RERE: variants seen among roughly 807,000 people sequenced by gnomAD.
RERE encodes arginine-glutamic acid dipeptide repeats protein.
A neutral mutation model predicts 146.1 loss-of-function variants in RERE; 40 were observed. The observed-to-expected ratio is 0.27, with a 90% CI of 0.21 to 0.36. The LOEUF (loss-of-function observed/expected upper bound fraction) is 0.36, where lower values mean the gene tolerates loss of function less well. Ranked by LOEUF, RERE falls within the 10% of genes least tolerant of loss-of-function variation. RERE has a pLI of 1.00. For synonymous variants in RERE, 1,003 were observed against 866.0 expected, an observed-to-expected ratio of 1.16 and a Z score of -2.78; for missense variants, 1,933 against 2,138.7, an observed-to-expected ratio of 0.90 and a Z score of 1.90.
intron 12 of RERE, among the ~76,000 whole-genome samples, chr1:8,417,792 A>G (rs1643818191): frequency 6.6e-6 from 1 of 152,188 alleles, no homozygotes; most frequent in African/African-American, 2.4e-5. Context: ...ATTTGGGCCC[A>G]AGTTCTACTG....
rs997019973 is a variant in RERE at position 8,364,995 on chromosome 1, T to C, written c.1448-157A>G. Among the ~76,000 whole-genome samples, 9 of 152,056 alleles carry C rather than the reference T, an allele frequency of 5.9e-5. No homozygotes were observed. Among genetic ancestry groups the C allele is most frequent in the African/African-American group, 1.9e-4 (8 of 41,366 alleles). On this transcript the variant is annotated intron_variant, in intron 13 of 22. Transcript: ENST00000400908. This position sits in a 1 kb window ranked among gnomAD's most constrained non-coding sequence, Gnocchi z 5.1. The stretch of plus-strand genomic sequence containing the variant: ...GAGCGGCTGGGTGCACAGGCTGAGG[T>C]AGGACAGTGTCTGCAAAGGACCACT...
intron 8 of RERE, among the ~76,000 whole-genome samples, chr1:8,507,230 C>T (rs1022298944): frequency 1.3e-5 from 2 of 152,178 alleles, no homozygotes; most frequent in Non-Finnish European, 1.5e-5. Flanking sequence ...GAGCCGTGAT[C>T]GTGCCTCTGT....
chr1:8,624,045 T>A (rs888989978), intron 3 of RERE, among the ~76,000 whole-genome samples: 4 of 152,256 alleles, frequency 2.6e-5, no homozygotes, highest in African/African-American at 9.6e-5. Context: ...TTCAAGGGAC[T>A]ATCTGAAATT....
At position 8,360,756 on chromosome 1, in the gene RERE, G is replaced by A; in HGVS notation, c.2751C>T (p.Pro917=). The A allele has an allele frequency of 6.2e-7, 1 of 1,601,310 alleles. No homozygotes were observed. The highest frequency in any genetic ancestry group is 8.5e-7 in the Non-Finnish European group (1 of 1,177,310). The change falls in exon 18 of 23, where the codon CCC becomes CCT. Residue 917 remains proline, a synonymous_variant. Transcript: ENST00000400908. ...GCATGGCCAAGGGCGCTGGTGGCAGGGGCTGCTCCCGTGGAGGCTGTTGGG... is the reference window on the plus strand; with the variant it reads ...GCATGGCCAAGGGCGCTGGTGGCAGAGGCTGCTCCCGTGGAGGCTGTTGGG... ...LQSQQPPREQ[P]LPPAPLAMPH...
At chr1:8,577,864 T>C (rs1207950166) in intron 4 of RERE, among the ~76,000 whole-genome samples, 2 of 152,114 alleles carry the variant, frequency 1.3e-5, no homozygotes, top group African/African-American at 4.8e-5. Context: ...GAGGCCGAGA[T>C]GGGCGATCAC....
chr1:8,408,804 C>T (rs1643530243), intron 12 of RERE, among the ~76,000 whole-genome samples: 1 of 152,166 alleles, frequency 6.6e-6, no homozygotes, highest in Non-Finnish European at 1.5e-5. Context: ...TAAAAAATGA[C>T]TCCTGCCGTG....
chr1:8,734,153 T>C (rs1640149099), intron 1 of RERE, among the ~76,000 whole-genome samples: 1 of 152,218 alleles, frequency 6.6e-6, no homozygotes, highest in Non-Finnish European at 1.5e-5. Flanking sequence ...ATAACTGTTA[T>C]TGTTGACCCT....
At chr1:8,709,994 G>A (rs999536067) in intron 1 of RERE, among the ~76,000 whole-genome samples, 4 of 152,090 alleles carry the variant, frequency 2.6e-5, no homozygotes, top group East Asian at 1.9e-4. Flanking sequence ...CCTTTCTGGC[G>A]ATTCTCTCTT....
intron 16 of RERE, among the ~76,000 whole-genome samples, 183 bp from the exon 17 acceptor site, chr1:8,362,059 G>C (rs962803538): frequency 6.6e-6 from 1 of 152,244 alleles, no homozygotes; most frequent in African/African-American, 2.4e-5. Context: ...GTGGGAATGA[G>C]AGCCAGCCCT....
chr1:8,739,601 G>T (rs187211834), intron 1 of RERE, among the ~76,000 whole-genome samples: 2 of 152,058 alleles, frequency 1.3e-5, no homozygotes, highest in East Asian at 3.9e-4. Flanking sequence ...AAAGCAAAAG[G>T]CCCAGATTCA....
chr1:8,394,790 T>C (rs1642997276), intron 12 of RERE, among the ~76,000 whole-genome samples: 1 of 152,132 alleles, frequency 6.6e-6, no homozygotes, highest in Non-Finnish European at 1.5e-5. Flanking sequence ...TAAAATCCAC[T>C]ACTAGTATAT....
chr1:8,501,011 C>A (rs1330667764), intron 8 of RERE, among the ~76,000 whole-genome samples: 1 of 134,316 alleles, frequency 7.4e-6, no homozygotes, highest in Admixed American at 8.0e-5. Context: ...CGTCTCCGCC[C>A]GGCAGCCACC....
At chr1:8,636,314 AT>A (rs34588416) in intron 2 of RERE, among the ~76,000 whole-genome samples, 95,723 of 151,836 alleles carry the variant, frequency 0.63, 30,630 homozygotes, top group East Asian at 0.83. Flanking sequence ...ATGGTTACTT[AT>A]TTTTTTTGTC....
At chr1:8,546,754 A>G (rs1645867269) in intron 6 of RERE, among the ~76,000 whole-genome samples, 1 of 152,076 alleles carries the variant, frequency 6.6e-6, no homozygotes, top group African/African-American at 2.4e-5. Flanking sequence ...AGGCTGAGGC[A>G]GGAGAATCGT....
rs200027829 is a variant in RERE at position 8,364,259 on chromosome 1, T to C, written c.1541-4A>G. On this transcript the variant is annotated splice_region_variant and splice_polypyrimidine_tract_variant and intron_variant, in intron 14 of 22. Transcript: ENST00000400908. The surrounding 1 kb of genome is among the most constrained non-coding windows in gnomAD (Gnocchi z 5.1). ...CCGTGGTGCCAATCTTTGGAGGCTG[T>C]GTGAGGGAAGTGGTGGGGGCCAACC... The C allele has an allele frequency of 4.1e-5, 66 of 1,613,878 alleles. No individual in the cohort carries two copies. In the Admixed American group the frequency reaches 9.2e-4, roughly 22 times the overall value.
At chr1:8,502,600 A>C (rs1255457091) in intron 8 of RERE, among the ~76,000 whole-genome samples, 2 of 148,560 alleles carry the variant, frequency 1.3e-5, no homozygotes, top group East Asian at 2.0e-4. Flanking sequence ...CCAGCGGCTC[A>C]TTGGGGATGG....
intron 1 of RERE, among the ~76,000 whole-genome samples, chr1:8,756,548 G>A (rs1026571844): frequency 6.6e-6 from 1 of 151,902 alleles, no homozygotes; most frequent in African/African-American, 2.4e-5. Flanking sequence ...ATGCATCTTG[G>A]CTCAAGAGCC....
At chr1:8,731,350 A>C (rs548213848) in intron 1 of RERE, among the ~76,000 whole-genome samples, 1 of 152,326 alleles carries the variant, frequency 6.6e-6, no homozygotes, top group East Asian at 1.9e-4. Context: ...AGCATTCTCC[A>C]TAACAAAGGC....
intron 1 of RERE, among the ~76,000 whole-genome samples, chr1:8,762,469 T>C (rs1261485012): frequency 2.0e-5 from 3 of 152,190 alleles, no homozygotes; most frequent in Non-Finnish European, 4.4e-5. Context: ...TTTTAAAACA[T>C]ACAAATTGTG....
Sources: gnomAD v4.1 joint callset for allele counts (sites outside exome capture counted in the v4.1 genomes callset) on GRCh38, gnomAD v4.1.1 for gene constraint, Gnocchi (gnomAD v3.1) non-coding constraint, MANE v1.5 for transcripts, NCBI Gene and HGNC (gene_info 2026-07-23, HGNC 2026-07-21) for gene names.